The following KCNQ1 variants were observed in gnomAD, a reference collection of about 807,000 sequenced individuals.
The protein encoded by KCNQ1 is potassium voltage-gated channel subfamily Q member 1, also known as potassium voltage-gated channel subfamily KQT member 1.
In KCNQ1, 49 loss-of-function variants were observed where a neutral mutation model predicts 72.4. That is an observed-to-expected ratio of 0.68 (90% CI 0.54 to 0.86). The LOEUF (loss-of-function observed/expected upper bound fraction) is 0.86, where lower values mean the gene tolerates loss of function less well. Ranked by LOEUF, KCNQ1 falls within the 40% of genes least tolerant of loss-of-function variation. The pLI, the probability that KCNQ1 is intolerant of heterozygous loss-of-function variation, is 0.00. For missense variants in KCNQ1, 790 were observed against 945.1 expected (o/e 0.84, Z 2.15); for synonymous variants, 450 against 412.6 (o/e 1.09, Z -1.10).
chr11:2,778,249 G>A (rs1295972619), intron 15 of KCNQ1, among the ~76,000 whole-genome samples: 5 of 152,266 alleles, frequency 3.3e-5, no homozygotes, highest in South Asian at 4.1e-4. Flanking sequence ...AGCCAGGCCA[G>A]GCTGGTTTCT....
At chr11:2,728,420 G>T (rs539650104) in intron 11 of KCNQ1, among the ~76,000 whole-genome samples, 36 of 152,368 alleles carry the variant, frequency 2.4e-4, no homozygotes, top group Non-Finnish European at 5.0e-4. Flanking sequence ...AGGACCTACC[G>T]AGCGTTTGAC....
rs1450996831 is a variant in KCNQ1 at position 2,642,882 on chromosome 11, G to A, written c.1394-19079G>A. The A allele has an allele frequency of 7.5e-6, 3 of 397,616 alleles. No individual in the cohort carries two copies. Among genetic ancestry groups the A allele is most frequent in the Non-Finnish European group, 1.3e-5 (3 of 225,618 alleles). The allele number at this position is 397,616 out of a possible 1,614,324, so 24.6% of individuals were successfully genotyped here. A position where few individuals can be genotyped will look rare whatever the true frequency, so the allele number is the denominator to read the frequency against. ...TGTGCTTCTATTTTCACTTGTTTCAGTAAATTTTTTATTTCTGCCTTAATT... is the reference window on the plus strand; with the variant it reads ...TGTGCTTCTATTTTCACTTGTTTCAATAAATTTTTTATTTCTGCCTTAATT... On this transcript the variant is annotated intron_variant, in intron 10 of 15. Coordinates refer to ENST00000155840, the MANE Select transcript of KCNQ1 (RefSeq NM_000218.3). This position sits in a 1 kb window ranked among gnomAD's most constrained non-coding sequence, Gnocchi z 4.3.
intron 7 of KCNQ1, among the ~76,000 whole-genome samples, chr11:2,584,303 A>C (rs1848552286): frequency 6.6e-6 from 1 of 152,054 alleles, no homozygotes; most frequent in East Asian, 1.9e-4. Flanking sequence ...ACATGTAGAC[A>C]TGTGTTAGTA....
At chr11:2,596,833 C>G (rs1190076867) in intron 10 of KCNQ1, among the ~76,000 whole-genome samples, 2 of 151,640 alleles carry the variant, frequency 1.3e-5, no homozygotes, top group African/African-American at 2.4e-5. Context: ...TAAACATAAG[C>G]AAGTTATGTC....
At chr11:2,555,758 C>T (rs1019547665) in intron 2 of KCNQ1, among the ~76,000 whole-genome samples, 7 of 152,224 alleles carry the variant, frequency 4.6e-5, no homozygotes, top group Admixed American at 1.3e-4. Context: ...TTCTGGTCAT[C>T]GGCCTGGAGT....
intron 11 of KCNQ1, among the ~76,000 whole-genome samples, chr11:2,741,422 T>C (rs1846048302): frequency 6.6e-6 from 1 of 152,216 alleles, no homozygotes; most frequent in Non-Finnish European, 1.5e-5. Context: ...AGGCCCTGTG[T>C]GCCCCCTCGG....
chr11:2,804,872 G>T (rs1395726672), intron 15 of KCNQ1, among the ~76,000 whole-genome samples: 1 of 152,226 alleles, frequency 6.6e-6, no homozygotes, highest in Non-Finnish European at 1.5e-5. Flanking sequence ...CGGGCCCACA[G>T]TTGCCAGCTG....
chr11:2,802,403 A>G (rs1276198988), intron 15 of KCNQ1, among the ~76,000 whole-genome samples: 2 of 152,120 alleles, frequency 1.3e-5, no homozygotes, highest in African/African-American at 4.8e-5. Context: ...GGCAGCGGGG[A>G]GCCTGCCCTG....
chr11:2,503,680 T>TA (rs1847052835), intron 1 of KCNQ1, among the ~76,000 whole-genome samples: 1 of 150,558 alleles, frequency 6.6e-6, no homozygotes, highest in South Asian at 2.1e-4. Flanking sequence ...CCCTAAAACT[T>TA]AAAGTATAAT....
At chr11:2,614,844 C>T (rs975539798) in intron 10 of KCNQ1, 1 of 398,174 alleles carries the variant, frequency 2.5e-6, no homozygotes, top group Non-Finnish European at 4.4e-6. Context: ...CAACTTTGTT[C>T]TTTTTCAATA....
intron 1 of KCNQ1, among the ~76,000 whole-genome samples, chr11:2,522,189 G>A (rs1463285738): frequency 7.9e-6 from 1 of 127,158 alleles, no homozygotes; most frequent in Admixed American, 7.4e-5. Context: ...TGGGCTCCCC[G>A]CTCATGCAGC....
chr11:2,812,487 T>A (rs1323374330), intron 15 of KCNQ1, among the ~76,000 whole-genome samples: 1 of 152,162 alleles, frequency 6.6e-6, no homozygotes, highest in Non-Finnish European at 1.5e-5. Flanking sequence ...ATCTTCCTAC[T>A]GCAGCCTCTG....
chr11:2,506,259 T>C (rs1410682509), intron 1 of KCNQ1, among the ~76,000 whole-genome samples: 3 of 152,240 alleles, frequency 2.0e-5, no homozygotes, highest in Non-Finnish European at 4.4e-5. Context: ...TTTATTCTTT[T>C]GCATGTAGAT....
In KCNQ1 at chr11:2,471,620, GTGCACGTA is replaced by G. The variant is rs1846459311; in HGVS notation, c.386+26143_386+26150del. On this transcript the variant is annotated intron_variant, in intron 1 of 15. Coordinates refer to ENST00000155840, the MANE Select transcript of KCNQ1 (RefSeq NM_000218.3). The surrounding 1 kb of genome is among the most constrained non-coding windows in gnomAD (Gnocchi z 4.8). ...CGTGTGCACCTGTGTATATGGGTGT[GTGCACGTA>G]TGCACGGATGTGTGTACACATGTGT... 6.6e-6 allele frequency among the ~76,000 whole-genome samples: 1 copy of G among 151,782 alleles called. No homozygotes were observed. The highest frequency in any genetic ancestry group is 1.5e-5 in the Non-Finnish European group (1 of 67,852).
chr11:2,653,885 G>GC lies in KCNQ1; in HGVS notation c.1394-8071dup, dbSNP rs1849795819. On this transcript the variant is annotated intron_variant, in intron 10 of 15. Transcript: ENST00000155840. The surrounding 1 kb of genome is among the most constrained non-coding windows in gnomAD (Gnocchi z 5.3). ...GCACACTAGGAGTGGGAAAGGAAGA[G>GC]CCCCCTAAGGAAGATTTGAGAAGCT... is the stretch of plus-strand genomic sequence containing the variant. 1 of 398,684 alleles carries GC rather than the reference G, an allele frequency of 2.5e-6. No individual in the cohort carries two copies. Among genetic ancestry groups the GC allele is most frequent in the Non-Finnish European group, 4.4e-6 (1 of 226,102 alleles). 24.7% of individuals were successfully genotyped at this position (398,684 alleles called of 1,614,324 possible).
In KCNQ1 at chr11:2,803,508, G is replaced by T. The variant is rs1847313831; in HGVS notation, c.1794+25471G>T. On this transcript the variant is annotated intron_variant, in intron 15 of 15. Transcript: ENST00000155840. The surrounding 1 kb of genome is among the most constrained non-coding windows in gnomAD (Gnocchi z 6.4). ...GTGTGATGGGGAGCAGGAGCCAGTT[G>T]TTCCCAAACCTCGCCCTTTCTCCCT... 6.6e-6 allele frequency among the ~76,000 whole-genome samples: 1 copy of T among 152,138 alleles called. No homozygotes were observed. Among genetic ancestry groups the T allele is most frequent in the African/African-American group, 2.4e-5 (1 of 41,432 alleles).
At chr11:2,797,646 CA>C (rs1029064767) in intron 15 of KCNQ1, among the ~76,000 whole-genome samples, 1 of 152,184 alleles carries the variant, frequency 6.6e-6, no homozygotes, top group African/African-American at 2.4e-5. Context: ...CTCTGTGCAG[CA>C]GGGCCCTTTA....
chr11:2,618,592 G>A lies in KCNQ1; in HGVS notation c.1393+29738G>A, dbSNP rs115387729. On this transcript the variant is annotated intron_variant, in intron 10 of 15. Coordinates refer to ENST00000155840, the MANE Select transcript of KCNQ1 (RefSeq NM_000218.3). ...TTTTTATGCCAGGACCATACTGTTTGATCAATAGTTTTGTAAAATAAACCA... is the reference window on the plus strand; with the variant it reads ...TTTTTATGCCAGGACCATACTGTTTAATCAATAGTTTTGTAAAATAAACCA... 73 of 398,506 alleles carry A rather than the reference G, an allele frequency of 1.8e-4. No individual in the cohort carries two copies. The highest frequency in any genetic ancestry group is 1.3e-3 in the African/African-American group (64 of 48,742). The allele number at this position is 398,506 out of a possible 1,614,324, so 24.7% of individuals were successfully genotyped here.
intron 10 of KCNQ1, chr11:2,619,852 G>T (rs977342344): frequency 1.1e-4 from 43 of 398,204 alleles, no homozygotes; most frequent in African/African-American, 6.2e-4. Context: ...AGGTTTTGGG[G>T]TTTTTTTAAC....
Sources: gnomAD v4.1 joint callset for allele counts (sites outside exome capture counted in the v4.1 genomes callset) on GRCh38, gnomAD v4.1.1 for gene constraint, Gnocchi (gnomAD v3.1) non-coding constraint, MANE v1.5 for transcripts, NCBI Gene and HGNC (gene_info 2026-07-23, HGNC 2026-07-21) for gene names.